Variants in YJU2B observed in about 807,000 individuals in gnomAD.
YJU2B encodes probable splicing factor YJU2B.
YJU2B carries 18 observed loss-of-function variants against 38.0 expected under a neutral mutation model. The ratio of observed to expected loss-of-function variants is 0.47; its 90% CI spans 0.33 to 0.70. YJU2B has a LOEUF of 0.70. YJU2B is among the 30% of genes least tolerant of loss of function. YJU2B has a pLI of 0.02. For missense variants in YJU2B, 538 were observed against 556.3 expected (o/e 0.97, Z 0.33); for synonymous variants, 246 against 225.4 (o/e 1.09, Z -0.82).
chr19:13,758,943 C>G lies in YJU2B; in HGVS notation c.333C>G (p.Ile111Met), dbSNP rs10425445. ...ACCCCGCCAACTGCGACTACGTGAT[C>G]GTGAGTGGCGCCCAGCGCAAGGAGG... ...QTDPANCDYV[I>M]VSGAQRKEER... Residue 111 changes from isoleucine (I) to methionine (M), a missense_variant, in exon 7 of 10, where the codon ATC becomes ATG. Ile to Met is a conservative substitution (Grantham distance 10). Transcript: ENST00000221554. 3 of 1,614,036 alleles carry G rather than the reference C, an allele frequency of 1.9e-6. No individual in the cohort carries two copies. Among genetic ancestry groups the G allele is most frequent in the East Asian group, 2.2e-5 (1 of 44,882 alleles).
At chr19:13,754,253 CCT>C (rs1973579756) in intron 2 of YJU2B, 34 bp from the exon 3 acceptor site, 5 of 1,568,286 alleles carry the variant, frequency 3.2e-6, no homozygotes, top group African/African-American at 1.4e-5. Flanking sequence ...ACCATATCAG[CCT>C]CTCTCTGAGT....
Position 13,756,310 on chromosome 19 carries a change from C to T in YJU2B, c.140+31C>T, listed in dbSNP as rs779439428. ...GCCCAGCATCACCTGAGGACCCCAC[C>T]GTCCTGCCCCATTCCTTCAGTCTCA... On this transcript the variant is annotated intron_variant, in intron 4 of 9. Transcript: ENST00000221554. 3.5e-5 allele frequency: 55 copies of T among 1,564,090 alleles called. 1 individual carries two copies. The highest frequency in any genetic ancestry group is 1.1e-4 in the South Asian group (10 of 90,094).
intron 2 of YJU2B, among the ~76,000 whole-genome samples, chr19:13,732,922 C>A (rs1414581373): frequency 1.3e-5 from 2 of 149,858 alleles, no homozygotes; most frequent in Non-Finnish European, 3.0e-5. Context: ...AAAATGCATA[C>A]CTTTTGAAAT....
chr19:13,751,346 T>C (rs149314255), intron 1 of YJU2B, among the ~76,000 whole-genome samples: 116 of 151,716 alleles, frequency 7.6e-4, no homozygotes, highest in African/African-American at 2.7e-3. Flanking sequence ...ACCCAGGAGG[T>C]GGAGGTTGCA....
At chr19:13,759,051 G>A in intron 7 of YJU2B, 41 bp downstream of exon 7, 1 of 1,612,054 alleles carries the variant, frequency 6.2e-7, no homozygotes, top group Middle Eastern at 1.7e-4. Flanking sequence ...CCCTGGCCCT[G>A]AGTCTGCGCT....
chr19:13,738,892 CAAAAAAA>C lies in YJU2B; in HGVS notation c.-202+6623_-202+6629del, dbSNP rs527948929. On this transcript the variant is annotated intron_variant, in intron 2 of 10. Transcript: ENST00000586600. ...TGGATGACAGAGCAAGACTCTGTCT[CAAAAAAA>C]AAAAAAAAAAAAAAATTAGCTGTGC... is the stretch of plus-strand genomic sequence containing the variant. 2.1e-3 allele frequency among the ~76,000 whole-genome samples: 114 copies of C among 55,438 alleles called. 1 individual carries two copies. In the South Asian group the frequency reaches 0.029, roughly 14 times the overall value. 36.4% of individuals were successfully genotyped at this position (55,438 alleles called of 152,430 possible). A position where few individuals can be genotyped will look rare whatever the true frequency, so the allele number is the denominator to read the frequency against.
upstream of YJU2B, among the ~76,000 whole-genome samples, chr19:13,746,003 G>A (rs1000514000): frequency 1.3e-5 from 2 of 152,090 alleles, no homozygotes; most frequent in African/African-American, 4.8e-5. Context: ...TGTAATCCCA[G>A]CACTTTGGGA....
chr19:13,754,126 C>T (rs1171022478), intron 2 of YJU2B, among the ~76,000 whole-genome samples, 163 bp from the exon 3 acceptor site: 1 of 152,100 alleles, frequency 6.6e-6, no homozygotes, highest in African/African-American at 2.4e-5. Flanking sequence ...GAGTCAAGAT[C>T]GCACCACTGC....
Position 13,757,686 on chromosome 19 carries a change from A to G in YJU2B, c.197-100A>G, listed in dbSNP as rs10418436. 29,267 of 1,279,432 alleles carry G rather than the reference A, an allele frequency of 0.023. 4,985 individuals carry two copies. The African/African-American group carries it at 0.38, about 16-fold the overall frequency. The allele number at this position is 1,279,432 out of a possible 1,614,324, so 79.3% of individuals were successfully genotyped here. On this transcript the variant is annotated intron_variant, in intron 5 of 9. Transcript: ENST00000221554. ...GTCTCTAACTCCTCCTAGTTGGGGA[A>G]CCCTCAGCAAGTGACAGTGAGCCTC...
Position 13,757,474 on chromosome 19 carries a change from G to A in YJU2B, c.196+1G>A, listed in dbSNP as rs779794634. On this transcript the variant is annotated splice_donor_variant, in intron 5 of 9. Transcript: ENST00000221554. LOFTEE classifies it high-confidence loss of function. ...GGCTGCAAGAACCACATCGGCATGG[G>A]TGAGCCTCTGCCCACCCTCCATTCA... 3.1e-6 allele frequency: 5 copies of A among 1,613,288 alleles called. No individual in the cohort carries two copies. Among genetic ancestry groups the A allele is most frequent in the Non-Finnish European group, 4.2e-6 (5 of 1,179,642 alleles).
chr19:13,762,290 T>C lies in YJU2B; in HGVS notation c.574-9T>C, dbSNP rs1973918763. 6.2e-7 allele frequency: 1 copy of C among 1,612,416 alleles called. No homozygotes were observed. The highest frequency in any genetic ancestry group is 8.5e-7 in the Non-Finnish European group (1 of 1,179,790). On this transcript the variant is annotated splice_polypyrimidine_tract_variant and intron_variant, in intron 8 of 9. Coordinates refer to ENST00000221554, the MANE Select transcript of YJU2B (RefSeq NM_030818.4). ...CCCCTATCTCTGGTGTTCTTGGCCCTCAACACAGGAAAAGAAAAAAGCCAT... is the reference window on the plus strand; with the variant it reads ...CCCCTATCTCTGGTGTTCTTGGCCCCCAACACAGGAAAAGAAAAAAGCCAT...
In YJU2B at chr19:13,763,089, T is replaced by A; in HGVS notation, c.*21T>A. ...AGTGAGCGATCCCCATCCTGGAGAC[T>A]GGACCCGCTCTAGAGGCCCGGACAC... On this transcript the variant is annotated 3_prime_UTR_variant, in exon 10 of 10. Coordinates refer to ENST00000221554, the MANE Select transcript of YJU2B (RefSeq NM_030818.4). The A allele has an allele frequency of 6.6e-7, 1 of 1,525,254 alleles. No individual in the cohort carries two copies. Among genetic ancestry groups the A allele is most frequent in the Non-Finnish European group, 8.8e-7 (1 of 1,134,714 alleles). 94.5% of individuals were successfully genotyped at this position (1,525,254 alleles called of 1,614,324 possible). A position where few individuals can be genotyped will look rare whatever the true frequency, so the allele number is the denominator to read the frequency against.
chr19:13,763,149 G>A lies in YJU2B; in HGVS notation c.*81G>A. ...GCCCCTCACAGACTGCAGACCCCCG[G>A]CTCGCCCACCAGCCCTGGGAGAGCT... On this transcript the variant is annotated 3_prime_UTR_variant, in exon 10 of 10. Coordinates refer to ENST00000221554, the MANE Select transcript of YJU2B (RefSeq NM_030818.4). 8.2e-7 allele frequency: 1 copy of A among 1,224,892 alleles called. No individual in the cohort carries two copies. 75.9% of individuals were successfully genotyped at this position (1,224,892 alleles called of 1,614,324 possible). A position where few individuals can be genotyped will look rare whatever the true frequency, so the allele number is the denominator to read the frequency against.
chr19:13,751,866 T>C, intron 2 of YJU2B, 55 bp downstream of exon 2: 1 of 1,579,206 alleles, frequency 6.3e-7, no homozygotes, highest in South Asian at 1.1e-5. Flanking sequence ...TGTAGGACCC[T>C]GGAAGCAGCC....
At chr19:13,757,384 A>G in intron 4 of YJU2B, 34 bp from the exon 5 acceptor site, 1 of 1,603,182 alleles carries the variant, frequency 6.2e-7, no homozygotes, top group South Asian at 1.1e-5. Flanking sequence ...GTCCAAGTGG[A>G]CAAGTGCAAG....
Position 13,758,905 on chromosome 19 carries a change from G to A in YJU2B, c.295G>A (p.Glu99Lys), listed in dbSNP as rs145164083. 12 of 1,613,782 alleles carry A rather than the reference G, an allele frequency of 7.4e-6. No individual in the cohort carries two copies. The highest frequency in any genetic ancestry group is 3.3e-5 in the South Asian group (3 of 91,074). ...MKCHLCVNYI[E>K]MQTDPANCDY... is the part of the protein sequence containing the mutation. ...ATGCCACCTCTGTGTCAACTACATC[G>A]AGATGCAGACGGACCCCGCCAACTG... The change falls in exon 7 of 10, where the codon GAG becomes AAG. Residue 99 changes from glutamate (E) to lysine (K), a missense_variant. Transcript: ENST00000221554.
In YJU2B at chr19:13,757,855, G is replaced by A. The variant is rs6511886; in HGVS notation, c.257+9G>A. ...ACAACCCCGATCTACAGGTAAGGGC[G>A]GCTTGGTGGCATCTTGGGAACAGGT... On this transcript the variant is annotated intron_variant, in intron 6 of 9. Coordinates refer to ENST00000221554, the MANE Select transcript of YJU2B (RefSeq NM_030818.4). 593,639 of 1,610,904 alleles carry A rather than the reference G, an allele frequency of 0.37. 112,438 individuals are homozygous for A. Among genetic ancestry groups the A allele is most frequent in the East Asian group, 0.58 (26,072 of 44,838 alleles).
At position 13,751,963 on chromosome 19, in the gene YJU2B, C is replaced by T. The variant is rs148726177; in HGVS notation, c.3+152C>T. On this transcript the variant is annotated intron_variant, in intron 2 of 9. Transcript: ENST00000221554. ...GCAGTGGGTCTGAAATGTGGCTTTG[C>T]GCTAACATCACCCATGGGCACTTTT... 2.5e-5 allele frequency: 18 copies of T among 719,194 alleles called. No homozygotes were observed. In the Admixed American group the frequency reaches 3.5e-4, roughly 14 times the overall value. 44.6% of individuals were successfully genotyped at this position (719,194 alleles called of 1,614,324 possible). A position where few individuals can be genotyped will look rare whatever the true frequency, so the allele number is the denominator to read the frequency against.
intron 2 of YJU2B, among the ~76,000 whole-genome samples, chr19:13,733,565 T>C (rs1378917077): frequency 6.6e-6 from 1 of 151,864 alleles, no homozygotes; most frequent in African/African-American, 2.4e-5. Flanking sequence ...CTACTAAAAA[T>C]ACAAAATTAG....
Sources: gnomAD v4.1 joint callset for allele counts (sites outside exome capture counted in the v4.1 genomes callset) on GRCh38, gnomAD v4.1.1 for gene constraint, MANE v1.5 for transcripts, NCBI Gene and HGNC (gene_info 2026-07-23, HGNC 2026-07-21) for gene names.